Variants in CEMIP2 observed in about 807,000 individuals in gnomAD.
CEMIP2 encodes the protein cell surface hyaluronidase CEMIP2.
A neutral mutation model predicts 146.9 loss-of-function variants in CEMIP2; 79 were observed. The ratio of observed to expected loss-of-function variants is 0.54; its 90% CI spans 0.45 to 0.65. The LOEUF is 0.65. Ranked by LOEUF, CEMIP2 falls within the 30% of genes least tolerant of loss-of-function variation. The pLI, the probability that CEMIP2 is intolerant of heterozygous loss-of-function variation, is 0.00. For synonymous variants in CEMIP2, 601 were observed against 606.3 expected (o/e 0.99, Z 0.13); for missense variants, 1,596 against 1,696.2 (o/e 0.94, Z 1.04).
Position 71,730,259 on chromosome 9 carries a change from G to A in CEMIP2, c.1774-6C>T. ...AACCCAATGGTGTCTTTTATCTGCAGAAATAAAAGTATATTAATGTCATTG... is the reference window on the plus strand; with the variant it reads ...AACCCAATGGTGTCTTTTATCTGCAAAAATAAAAGTATATTAATGTCATTG... On this transcript the variant is annotated splice_region_variant and splice_polypyrimidine_tract_variant and intron_variant, in intron 8 of 23. Transcript: ENST00000377044. The A allele has an allele frequency of 6.2e-7, 1 of 1,611,558 alleles. No homozygotes were observed. Among genetic ancestry groups the A allele is most frequent in the South Asian group, 1.1e-5 (1 of 90,978 alleles).
chr9:71,730,592 T>A (rs1005940323), intron 8 of CEMIP2, 113 bp downstream of exon 8: 10 of 1,135,494 alleles, frequency 8.8e-6, no homozygotes, highest in Non-Finnish European at 1.1e-5. Context: ...AAAGGCAGGA[T>A]AGAGCAAGGC....
chr9:71,732,562 A>T, intron 6 of CEMIP2, 42 bp from the exon 7 acceptor site: 1 of 1,515,828 alleles, frequency 6.6e-7, no homozygotes, highest in African/African-American at 1.4e-5. Flanking sequence ...ATTAGAACAA[A>T]GAAAACATGA....
At position 71,714,982 on chromosome 9, in the gene CEMIP2, A is replaced by G. The variant is rs145571694; in HGVS notation, c.2543T>C (p.Val848Ala). 7.0e-5 allele frequency: 113 copies of G among 1,613,866 alleles called. No homozygotes were observed. Among genetic ancestry groups the G allele is most frequent in the Non-Finnish European group, 8.8e-5 (104 of 1,179,926 alleles). The part of the protein sequence containing the change: ...YGFQGGQNKY[V>A]GTGGIDQKPR... Reference sequence around the variant, plus strand: ...CTTCTGGTCTATTCCTCCAGTGCCTACATACTTGTTCTGACCACCCTGAAA... The same window carrying G: ...CTTCTGGTCTATTCCTCCAGTGCCTGCATACTTGTTCTGACCACCCTGAAA... Residue 848 changes from valine to alanine, a missense_variant, in exon 15 of 24, where the codon GTA becomes GCA. Coordinates refer to ENST00000377044, the MANE Select transcript of CEMIP2 (RefSeq NM_013390.3).
intron 22 of CEMIP2, among the ~76,000 whole-genome samples, chr9:71,688,330 G>C (rs374239951): frequency 6.6e-6 from 1 of 151,946 alleles, no homozygotes; most frequent in South Asian, 2.1e-4. Flanking sequence ...GGTCTCGATG[G>C]TTCTTAAGAT....
intron 1 of CEMIP2, among the ~76,000 whole-genome samples, chr9:71,766,041 T>C (rs1481280004): frequency 1.3e-5 from 2 of 152,012 alleles, no homozygotes; most frequent in East Asian, 3.9e-4. Flanking sequence ...GACCATGAAT[T>C]TGGTAGTGAT....
At chr9:71,764,484 A>C (rs1308787609) in intron 1 of CEMIP2, among the ~76,000 whole-genome samples, 1 of 151,304 alleles carries the variant, frequency 6.6e-6, no homozygotes, top group African/African-American at 2.4e-5. Context: ...TTGGCTATTA[A>C]TTTACTATAT....
In CEMIP2 at chr9:71,745,506, C is replaced by A. The variant is rs1824061647; in HGVS notation, c.546G>T (p.Gln182His). ...CTCCAATATGAAGCGCCCCACCATC[C>A]TGGATCAGGATGTAATGAGTCCTCA... Reference protein sequence around the residue: ...ITLRTHYILIQDGGALHIGAE... With the variant: ...ITLRTHYILIHDGGALHIGAE... Residue 182 changes from glutamine to histidine, a missense_variant, in exon 4 of 24, where the codon CAG (glutamine) becomes CAT (histidine). By Grantham distance (24) the Gln-to-His change is conservative (BLOSUM62 0). Coordinates refer to ENST00000377044, the MANE Select transcript of CEMIP2 (RefSeq NM_013390.3). 6.2e-7 allele frequency: 1 copy of A among 1,613,914 alleles called. No individual in the cohort carries two copies. Among genetic ancestry groups the A allele is most frequent in the Non-Finnish European group, 8.5e-7 (1 of 1,180,008 alleles).
In CEMIP2 at chr9:71,735,012, A is replaced by G. The variant is rs199867531; in HGVS notation, c.1205-18T>C. 4 of 1,570,252 alleles carry G rather than the reference A, an allele frequency of 2.5e-6. No individual in the cohort carries two copies. The highest frequency in any genetic ancestry group is 1.7e-4 in the Middle Eastern group (1 of 5,846). On this transcript the variant is annotated intron_variant, in intron 5 of 23. Coordinates refer to ENST00000377044, the MANE Select transcript of CEMIP2 (RefSeq NM_013390.3). ...AGAAACGCCTAAACCAAAAAAAAAA[A>G]AAAGAAAAAGAAAGTGATACATTAA...
At chr9:71,688,397 C>CT (rs1048615285) in intron 22 of CEMIP2, among the ~76,000 whole-genome samples, 139 of 146,422 alleles carry the variant, frequency 9.5e-4, no homozygotes, top group African/African-American at 2.7e-3. Context: ...TTCTTTCTTT[C>CT]TTTTTTTTTT....
At chr9:71,728,859 T>C (rs1473695218) in intron 10 of CEMIP2, among the ~76,000 whole-genome samples, 1 of 151,064 alleles carries the variant, frequency 6.6e-6, no homozygotes, top group Non-Finnish European at 1.5e-5. Context: ...TGACACGGGG[T>C]CTCACTCTGT....
intron 12 of CEMIP2, among the ~76,000 whole-genome samples, chr9:71,719,764 A>G (rs1823177042): frequency 7.1e-6 from 1 of 141,368 alleles, no homozygotes; most frequent in African/African-American, 2.6e-5. Context: ...AGTTCCTGCC[A>G]AACAGCTTTG....
intron 17 of CEMIP2, among the ~76,000 whole-genome samples, chr9:71,708,634 C>T (rs1384833305): frequency 6.6e-6 from 1 of 152,184 alleles, no homozygotes; most frequent in Non-Finnish European, 1.5e-5. Context: ...TCCTCTTATA[C>T]TAGGCATCAA....
intron 3 of CEMIP2, 112 bp downstream of exon 3, chr9:71,746,089 C>T: frequency 1.6e-6 from 2 of 1,229,116 alleles, no homozygotes; most frequent in Non-Finnish European, 1.1e-6. Context: ...AGAGTGACAC[C>T]ACAAACTAAA....
At chr9:71,736,822 TA>T (rs1334104115) in intron 5 of CEMIP2, among the ~76,000 whole-genome samples, 1 of 152,220 alleles carries the variant, frequency 6.6e-6, no homozygotes, top group Non-Finnish European at 1.5e-5. Flanking sequence ...AGCTGTTTAA[TA>T]AATATCAGTA....
rs537604193 is a variant in CEMIP2 at position 71,763,040 on chromosome 9, T to C, written c.-13+5317A>G. ...AAAAAAATATATTTTTTTAATGTTA[T>C]GTTTTTTCAAACCACAACTTAAAAA... On this transcript the variant is annotated intron_variant, in intron 1 of 23. Coordinates refer to ENST00000377044, the MANE Select transcript of CEMIP2 (RefSeq NM_013390.3). Among the ~76,000 whole-genome samples the C allele has an allele frequency of 4.6e-5, 7 of 151,546 alleles. No individual in the cohort carries two copies. The East Asian group carries it at 9.7e-4, about 21-fold the overall frequency.
chr9:71,718,188 T>C, intron 12 of CEMIP2, 109 bp from the exon 13 acceptor site: 4 of 1,061,638 alleles, frequency 3.8e-6, no homozygotes, highest in Non-Finnish European at 5.2e-6. Flanking sequence ...CCAAAACAAA[T>C]GAAAAATTCT....
rs1823721100 is a variant in CEMIP2 at position 71,734,969 on chromosome 9, T to C, written c.1230A>G (p.Val410=). 3 of 1,609,116 alleles carry C rather than the reference T, an allele frequency of 1.9e-6. No individual in the cohort carries two copies. The highest frequency in any genetic ancestry group is 1.7e-6 in the Non-Finnish European group (2 of 1,178,994). ...IEGVSLSGFR[V]EVVDGVKLNL... ...TTAGCTTCACTCCATCTACAACCTC[T>C]ACCCGGAATCCTGAAAGAGAAACGC... The change falls in exon 6 of 24, where the codon GTA becomes GTG. Residue 410 remains valine (V), a synonymous_variant. Transcript: ENST00000377044.
rs530713047 is a variant in CEMIP2 at position 71,685,160 on chromosome 9, A to AT, written c.*36dup. 187 of 1,518,156 alleles carry AT rather than the reference A, an allele frequency of 1.2e-4. 1 individual carries two copies. Among genetic ancestry groups the AT allele is most frequent in the South Asian group, 9.1e-5 (7 of 77,268 alleles). 94.0% of individuals were successfully genotyped at this position (1,518,156 alleles called of 1,614,324 possible). ...CCATAAATTAAATAAGTTAGTTCAC[A>AT]TTTTTTTTCCCCCAGCACTTAAGTT... On this transcript the variant is annotated 3_prime_UTR_variant, in exon 24 of 24. Coordinates refer to ENST00000377044, the MANE Select transcript of CEMIP2 (RefSeq NM_013390.3).
In CEMIP2 at chr9:71,730,792, T is replaced by C. The variant is rs111865453; in HGVS notation, c.1686A>G (p.Gly562=). 3.4e-4 allele frequency: 546 copies of C among 1,614,196 alleles called. No individual in the cohort carries two copies. The African/African-American group carries it at 6.0e-3, about 18-fold the overall frequency. ...CGTCCACAAATGTTGCATGTCTGTATCCTCCTTTATAATCCACGTCACCAC... is the reference window on the plus strand; with the variant it reads ...CGTCCACAAATGTTGCATGTCTGTACCCTCCTTTATAATCCACGTCACCAC... ...HLCGDVDYKG[G]YRHATFVDGL... Residue 562 remains glycine, a synonymous_variant, in exon 8 of 24, where the codon GGA becomes GGG. Coordinates refer to ENST00000377044, the MANE Select transcript of CEMIP2 (RefSeq NM_013390.3).
Sources: gnomAD v4.1 joint callset for allele counts (sites outside exome capture counted in the v4.1 genomes callset) on GRCh38, gnomAD v4.1.1 for gene constraint, MANE v1.5 for transcripts, NCBI Gene and HGNC (gene_info 2026-07-23, HGNC 2026-07-21) for gene names.